The following TICAM2 variants were observed in gnomAD, a reference collection of about 807,000 sequenced individuals.
The protein encoded by TICAM2 is TIR domain-containing adapter molecule 2.
Under a neutral mutation model 7.3 loss-of-function variants are expected in TICAM2, and 8 were observed. That is an observed-to-expected ratio of 1.10 (90% CI 0.65 to 1.99). TICAM2 has a LOEUF of 1.99. Among genes scored for constraint, TICAM2 ranks in the 30% most tolerant of loss-of-function variants. TICAM2 has a pLI of 0.00. For missense variants in TICAM2, 304 were observed against 278.8 expected (o/e 1.09, Z -0.65); for synonymous variants, 113 against 99.6 (o/e 1.13, Z -0.80).
At position 115,578,892 on chromosome 5, in the gene TICAM2, T is replaced by G. The variant is rs944240485; in HGVS notation, c.*1657A>C. The G allele has an allele frequency of 1.6e-4, 25 of 152,536 alleles. No individual in the cohort carries two copies. Among genetic ancestry groups the G allele is most frequent in the African/African-American group, 5.8e-4 (24 of 41,438 alleles). The allele number at this position is 152,536 out of a possible 1,614,324, so 9.4% of individuals were successfully genotyped here. ...CAATGAAAACCATCTCCTCCTCTAA[T>G]AAGTACTAACAGAATAGGAGGCTTG... On this transcript the variant is annotated 3_prime_UTR_variant, in exon 2 of 2. Transcript: ENST00000427199.
At chr5:115,597,065 CA>C (rs777591105) in intron 1 of TICAM2, among the ~76,000 whole-genome samples, 49 of 152,158 alleles carry the variant, frequency 3.2e-4, no homozygotes, top group Admixed American at 2.6e-4. Context: ...ACCCACAAGC[CA>C]AAAATAATTA....
chr5:115,600,065 G>C (rs748579164), intron 1 of TICAM2, among the ~76,000 whole-genome samples: 1 of 152,100 alleles, frequency 6.6e-6, no homozygotes, highest in Non-Finnish European at 1.5e-5. Flanking sequence ...GGCAGATCTG[G>C]GTAGAGTCAA....
At chr5:115,588,872 C>G (rs180946204) in intron 1 of TICAM2, among the ~76,000 whole-genome samples, 1 of 152,254 alleles carries the variant, frequency 6.6e-6, no homozygotes, top group Admixed American at 6.5e-5. Flanking sequence ...ATGCCAAAAG[C>G]CCCAGGCCAG....
chr5:115,581,422 C>G (rs764686539), intron 1 of TICAM2, 107 bp from the exon 2 acceptor site: 9 of 1,257,866 alleles, frequency 7.2e-6, no homozygotes, highest in Non-Finnish European at 8.6e-6. Context: ...ATAGACAGAT[C>G]CAAATACATA....
Position 115,580,474 on chromosome 5 carries a change from G to C in TICAM2, c.*75C>G. 1 of 1,440,518 alleles carries C rather than the reference G, an allele frequency of 6.9e-7. No individual in the cohort carries two copies. The highest frequency in any genetic ancestry group is 9.1e-7 in the Non-Finnish European group (1 of 1,095,558). 89.2% of individuals were successfully genotyped at this position (1,440,518 alleles called of 1,614,324 possible). A position where few individuals can be genotyped will look rare whatever the true frequency, so the allele number is the denominator to read the frequency against. ...CTCTCTTTTATTTAAACATTTCCTA[G>C]AAACTGCTTTCTCAAGTGAAGATTA... is the stretch of plus-strand genomic sequence containing the variant. On this transcript the variant is annotated 3_prime_UTR_variant, in exon 2 of 2. Transcript: ENST00000427199.
intron 1 of TICAM2, among the ~76,000 whole-genome samples, chr5:115,597,016 T>C (rs1407578580): frequency 6.6e-6 from 1 of 152,206 alleles, no homozygotes; most frequent in East Asian, 1.9e-4. Flanking sequence ...GCCCAGCAAC[T>C]TCCTGTCCAA....
intron 1 of TICAM2, among the ~76,000 whole-genome samples, chr5:115,588,063 T>C (rs1461680339): frequency 1.3e-5 from 2 of 152,118 alleles, no homozygotes; most frequent in African/African-American, 4.8e-5. Context: ...CAGCATCCAC[T>C]GCATTTAGCA....
intron 1 of TICAM2, among the ~76,000 whole-genome samples, chr5:115,584,216 T>C (rs1309760400): frequency 1.3e-5 from 2 of 152,180 alleles, no homozygotes; most frequent in Non-Finnish European, 2.9e-5. Context: ...TGAAAGAATA[T>C]TCTTGTTATT....
chr5:115,601,031 C>G (rs1755713040), intron 1 of TICAM2, among the ~76,000 whole-genome samples: 1 of 152,146 alleles, frequency 6.6e-6, no homozygotes, highest in South Asian at 2.1e-4. Flanking sequence ...GCGTACATGT[C>G]ACATTTACTT....
chr5:115,601,608 T>C (rs925059295), intron 1 of TICAM2, among the ~76,000 whole-genome samples: 6 of 152,182 alleles, frequency 3.9e-5, no homozygotes, highest in African/African-American at 1.2e-4. Flanking sequence ...ATACTTTCTT[T>C]AAGAAGTTTA....
intron 1 of TICAM2, among the ~76,000 whole-genome samples, chr5:115,596,783 G>A (rs1755528398): frequency 6.6e-6 from 1 of 152,156 alleles, no homozygotes; most frequent in African/African-American, 2.4e-5. Context: ...GCCTGGCGTG[G>A]TGGCGGGTGC....
At chr5:115,593,829 A>T (rs1315231579) in intron 1 of TICAM2, among the ~76,000 whole-genome samples, 1 of 152,216 alleles carries the variant, frequency 6.6e-6, no homozygotes, top group Non-Finnish European at 1.5e-5. Flanking sequence ...CAAATTGCTA[A>T]AGGGATGGGA....
intron 1 of TICAM2, among the ~76,000 whole-genome samples, chr5:115,588,228 T>C (rs1328360399): frequency 3.3e-5 from 5 of 152,176 alleles, no homozygotes; most frequent in Non-Finnish European, 5.9e-5. Flanking sequence ...GAAATATACG[T>C]GTGGAAGCGT....
At chr5:115,593,904 A>G (rs1257253104) in intron 1 of TICAM2, among the ~76,000 whole-genome samples, 1 of 152,230 alleles carries the variant, frequency 6.6e-6, no homozygotes, top group Non-Finnish European at 1.5e-5. Flanking sequence ...GGTACTGCAG[A>G]GTAGTGAGGA....
rs539913496 is a variant in TICAM2 at position 115,602,397 on chromosome 5, A to C, written c.-360T>G. The C allele has an allele frequency of 1.3e-5, 2 of 152,692 alleles. No individual in the cohort carries two copies. Among genetic ancestry groups the C allele is most frequent in the Non-Finnish European group, 1.5e-5 (1 of 68,490 alleles). The allele number at this position is 152,692 out of a possible 1,614,324, so 9.5% of individuals were successfully genotyped here. A position where few individuals can be genotyped will look rare whatever the true frequency, so the allele number is the denominator to read the frequency against. On this transcript the variant is annotated 5_prime_UTR_variant, in exon 1 of 2. Transcript: ENST00000427199. Reference sequence around the variant, plus strand: ...CCCCCGAGGGGCCGCTCGAGGCCGGACTGCTGCTTTGCCGTGGCAGGCCCC... The same window carrying C: ...CCCCCGAGGGGCCGCTCGAGGCCGGCCTGCTGCTTTGCCGTGGCAGGCCCC...
At chr5:115,592,684 C>T (rs256943) in intron 1 of TICAM2, among the ~76,000 whole-genome samples, 85,934 of 151,970 alleles carry the variant, frequency 0.57, 25,135 homozygotes, top group African/African-American at 0.73. Flanking sequence ...AGAACTGATG[C>T]GAATATTACA....
chr5:115,599,054 C>A (rs1755615952), intron 1 of TICAM2, among the ~76,000 whole-genome samples: 2 of 148,228 alleles, frequency 1.3e-5, no homozygotes, highest in Admixed American at 6.7e-5. Context: ...CATAGCAAGA[C>A]CTTGTCTCAA....
At chr5:115,588,436 T>A (rs898905489) in intron 1 of TICAM2, among the ~76,000 whole-genome samples, 2 of 152,154 alleles carry the variant, frequency 1.3e-5, no homozygotes, top group African/African-American at 4.8e-5. Context: ...TGAGTCCACT[T>A]TTGTTTATAT....
Position 115,580,814 on chromosome 5 carries a change from C to T in TICAM2, c.443G>A (p.Trp148Ter). Residue 148 changes from tryptophan (W) to a stop codon, truncating the protein, a stop_gained, in exon 2 of 2, where the codon TGG becomes TAG. Coordinates refer to ENST00000427199, the MANE Select transcript of TICAM2 (RefSeq NM_021649.7). LOFTEE classifies it high-confidence loss of function. ...GGACGTATAGAACTGGAAATTACAC[C>T]AAGTATCTCTTAAAAAGTTTTCAGT... The part of the protein sequence containing the change: ...LLTENFLRDT[W>*]CNFQFYTSLM... 6.2e-7 allele frequency: 1 copy of T among 1,601,364 alleles called. No homozygotes were observed. Among genetic ancestry groups the T allele is most frequent in the Non-Finnish European group, 8.5e-7 (1 of 1,173,136 alleles).
Sources: gnomAD v4.1 joint callset for allele counts (sites outside exome capture counted in the v4.1 genomes callset) on GRCh38, gnomAD v4.1.1 for gene constraint, MANE v1.5 for transcripts, NCBI Gene and HGNC (gene_info 2026-07-23, HGNC 2026-07-21) for gene names.